ADGRV1: variants seen among roughly 807,000 people sequenced by gnomAD.
The protein encoded by ADGRV1 is adhesion G protein-coupled receptor V1, also known as G-protein coupled receptor 98.
In ADGRV1, 359 loss-of-function variants were observed where a neutral mutation model predicts 596.2. The observed-to-expected ratio is 0.60, with a 90% CI of 0.55 to 0.66. The LOEUF (loss-of-function observed/expected upper bound fraction) is 0.66. Ranked by LOEUF, ADGRV1 falls within the 30% of genes least tolerant of loss-of-function variation. ADGRV1 has a pLI of 0.00. For missense variants in ADGRV1, 7,274 were observed against 7,575.6 expected (o/e 0.96, Z 1.48); for synonymous variants, 2,681 against 2,679.2 (o/e 1.00, Z -0.02).
In ADGRV1 at chr5:90,754,980, C is replaced by A. The variant is rs79870179; in HGVS notation, c.11378-3C>A. Reference sequence around the variant, plus strand: ...ATTTACTCGTGGCATGTTTCTCTCACAGAAAACACCACCACTCTTCAGTTA... The same window carrying A: ...ATTTACTCGTGGCATGTTTCTCTCAAAGAAAACACCACCACTCTTCAGTTA... On this transcript the variant is annotated splice_region_variant and splice_polypyrimidine_tract_variant and intron_variant, in intron 54 of 89. Coordinates refer to ENST00000405460, the MANE Select transcript of ADGRV1 (RefSeq NM_032119.4). The A allele has an allele frequency of 1.9e-6, 3 of 1,606,044 alleles. No homozygotes were observed. The highest frequency in any genetic ancestry group is 1.7e-6 in the Non-Finnish European group (2 of 1,173,200).
intron 85 of ADGRV1, among the ~76,000 whole-genome samples, chr5:91,047,161 C>T (rs1830364): frequency 1.3e-5 from 2 of 152,020 alleles, no homozygotes; most frequent in East Asian, 1.9e-4. Context: ...TCTGAATTTG[C>T]GCTCTAGTTG....
intron 73 of ADGRV1, among the ~76,000 whole-genome samples, chr5:90,808,577 A>G (rs1283532038): frequency 6.6e-6 from 1 of 152,232 alleles, no homozygotes; most frequent in Non-Finnish European, 1.5e-5. Context: ...AAATGCTTTA[A>G]CAGCAACAAT....
chr5:90,820,829 C>A (rs955037678), intron 75 of ADGRV1, among the ~76,000 whole-genome samples: 1 of 152,104 alleles, frequency 6.6e-6, no homozygotes, highest in Non-Finnish European at 1.5e-5. Flanking sequence ...CCCGACCTTT[C>A]TCTCTGGCTG....
intron 77 of ADGRV1, among the ~76,000 whole-genome samples, chr5:90,835,961 G>A (rs949522583): frequency 7.2e-5 from 11 of 152,182 alleles, no homozygotes; most frequent in African/African-American, 2.7e-4. Flanking sequence ...CAGAAAGGAT[G>A]TACAGATGAA....
intron 85 of ADGRV1, among the ~76,000 whole-genome samples, chr5:91,056,505 C>T (rs889085622): frequency 1.4e-4 from 22 of 152,040 alleles, no homozygotes; most frequent in East Asian, 7.7e-4. Context: ...CACTTCAAAA[C>T]GACAATTTTT....
chr5:90,932,420 C>T (rs72784615), intron 83 of ADGRV1, among the ~76,000 whole-genome samples: 7 of 152,214 alleles, frequency 4.6e-5, no homozygotes, highest in Non-Finnish European at 1.0e-4. Flanking sequence ...TACCTTGCTT[C>T]TGTTTGCTAG....
At chr5:90,702,882 C>G (rs940070592) in intron 34 of ADGRV1, among the ~76,000 whole-genome samples, 1 of 151,840 alleles carries the variant, frequency 6.6e-6, no homozygotes, top group Non-Finnish European at 1.5e-5. Context: ...ATTGGTATTT[C>G]TTAGTTGTGT....
intron 77 of ADGRV1, among the ~76,000 whole-genome samples, chr5:90,832,834 G>T (rs145185223): frequency 6.6e-6 from 1 of 152,094 alleles, no homozygotes; most frequent in Non-Finnish European, 1.5e-5. Context: ...CAGATTTCCC[G>T]GAACCATTTA....
At chr5:90,986,730 C>T (rs932874555) in intron 85 of ADGRV1, among the ~76,000 whole-genome samples, 19 of 152,072 alleles carry the variant, frequency 1.2e-4, no homozygotes, top group Admixed American at 1.0e-3. Flanking sequence ...TAAAAAGGAA[C>T]GATGGCATCT....
chr5:90,957,987 T>C (rs1777631787), intron 83 of ADGRV1, among the ~76,000 whole-genome samples: 1 of 151,904 alleles, frequency 6.6e-6, no homozygotes, highest in Non-Finnish European at 1.5e-5. Flanking sequence ...ATTCAAAAAT[T>C]AATCAATGTA....
Position 90,815,643 on chromosome 5 carries a change from T to C in ADGRV1, c.16103T>C (p.Ile5368Thr), listed in dbSNP as rs750169745. Reference sequence around the variant, plus strand: ...GGGAGTGACCTTCACAATGGCATCATAGGATTCAGTGAGGAGTCCCAGAGT... The same window carrying C: ...GGGAGTGACCTTCACAATGGCATCACAGGATTCAGTGAGGAGTCCCAGAGT... ...ITGSDLHNGI[I>T]GFSEESQSGL... is the part of the protein sequence containing the mutation. Residue 5368 changes from isoleucine to threonine, a missense_variant, in exon 75 of 90, where the codon ATA (isoleucine) becomes ACA (threonine). Transcript: ENST00000405460. 2 of 1,572,204 alleles carry C rather than the reference T, an allele frequency of 1.3e-6. No homozygotes were observed. Among genetic ancestry groups the C allele is most frequent in the Non-Finnish European group, 1.7e-6 (2 of 1,156,308 alleles).
chr5:90,949,086 G>A (rs1276721540), intron 83 of ADGRV1, among the ~76,000 whole-genome samples: 1 of 152,006 alleles, frequency 6.6e-6, no homozygotes, highest in Non-Finnish European at 1.5e-5. Context: ...CAACAGTATG[G>A]GTTAATCTCA....
chr5:90,885,257 A>C (rs1770168157), intron 83 of ADGRV1, among the ~76,000 whole-genome samples: 1 of 152,198 alleles, frequency 6.6e-6, no homozygotes, highest in Non-Finnish European at 1.5e-5. Context: ...ACAAGAAATC[A>C]GCTTTCTGAA....
At chr5:90,889,925 TGAGA>T in intron 83 of ADGRV1, among the ~76,000 whole-genome samples, 1 of 152,258 alleles carries the variant, frequency 6.6e-6, no homozygotes, top group Non-Finnish European at 1.5e-5. Context: ...TTCTCTTACT[TGAGA>T]GACTTTGCAC....
chr5:90,740,420 G>T (rs2149883979), intron 50 of ADGRV1, among the ~76,000 whole-genome samples: 1 of 152,302 alleles, frequency 6.6e-6, no homozygotes, highest in East Asian at 1.9e-4. Flanking sequence ...CTTGGGTGGA[G>T]CTAGATGTTT....
intron 11 of ADGRV1, among the ~76,000 whole-genome samples, chr5:90,641,192 A>G (rs1345714650): frequency 6.6e-6 from 1 of 152,352 alleles, no homozygotes; most frequent in East Asian, 1.9e-4. Context: ...CTCAAGAACA[A>G]TTACTGTGCT....
chr5:90,783,044 T>C, intron 65 of ADGRV1, 80 bp from the exon 66 acceptor site: 1 of 1,109,588 alleles, frequency 9.0e-7, no homozygotes, highest in Non-Finnish European at 1.4e-6. Context: ...TTATGTTTAA[T>C]TGCCAGGTTT....
intron 85 of ADGRV1, among the ~76,000 whole-genome samples, chr5:91,068,293 TA>T (rs557531177): frequency 1.9e-4 from 27 of 142,344 alleles, no homozygotes; most frequent in East Asian, 6.1e-4. Flanking sequence ...CATCTCTACT[TA>T]AAAAAAAAAA....
At chr5:90,715,667 T>A (rs74390724) in intron 42 of ADGRV1, among the ~76,000 whole-genome samples, 11 of 141,966 alleles carry the variant, frequency 7.7e-5, no homozygotes, top group East Asian at 2.1e-4. Context: ...TTTTTTTTTT[T>A]AAATAGCTGA....
Sources: gnomAD v4.1 joint callset for allele counts (sites outside exome capture counted in the v4.1 genomes callset) on GRCh38, gnomAD v4.1.1 for gene constraint, MANE v1.5 for transcripts, NCBI Gene and HGNC (gene_info 2026-07-23, HGNC 2026-07-21) for gene names.